Variants in MTIF2 observed in about 807,000 individuals in gnomAD.
MTIF2 encodes the protein translation initiation factor IF-2, mitochondrial.
A neutral mutation model predicts 83.5 loss-of-function variants in MTIF2; 71 were observed. That is an observed-to-expected ratio of 0.85 (90% CI 0.70 to 1.04). The LOEUF is 1.04. MTIF2 is among the 50% of genes least tolerant of loss of function. MTIF2 has a pLI of 0.00. For synonymous variants in MTIF2, 319 were observed against 287.1 expected, an observed-to-expected ratio of 1.11 and a Z score of -1.12; for missense variants, 957 against 846.5, an observed-to-expected ratio of 1.13 and a Z score of -1.62.
chr2:55,251,152 C>A (rs550621483), intron 8 of MTIF2, among the ~76,000 whole-genome samples: 76 of 149,328 alleles, frequency 5.1e-4, no homozygotes, highest in African/African-American at 1.8e-3. Flanking sequence ...AAAGTACATT[C>A]TATGTTGATG....
At chr2:55,256,531 C>T (rs1187565046) in intron 5 of MTIF2, among the ~76,000 whole-genome samples, 2 of 151,744 alleles carry the variant, frequency 1.3e-5, no homozygotes, top group Admixed American at 6.6e-5. Context: ...TATGGTGAAA[C>T]CCTGTCTCTA....
chr2:55,261,172 T>C (rs1207445431), intron 5 of MTIF2, among the ~76,000 whole-genome samples: 1 of 152,028 alleles, frequency 6.6e-6, no homozygotes, highest in Non-Finnish European at 1.5e-5. Context: ...GTATTTTTAG[T>C]AGAGATGGGG....
chr2:55,255,063 T>G (rs1399831718), intron 5 of MTIF2, among the ~76,000 whole-genome samples: 1 of 152,068 alleles, frequency 6.6e-6, no homozygotes, highest in East Asian at 1.9e-4. Context: ...TATTTATGTA[T>G]TCTAAGCCAT....
chr2:55,247,550 T>C (rs1676790820), intron 9 of MTIF2, among the ~76,000 whole-genome samples: 1 of 151,752 alleles, frequency 6.6e-6, no homozygotes, highest in African/African-American at 2.4e-5. Flanking sequence ...AGACTTCATT[T>C]CAAAAAACAA....
In MTIF2 at chr2:55,243,399, A is replaced by T; in HGVS notation, c.1564+17T>A. On this transcript the variant is annotated intron_variant, in intron 12 of 15. Coordinates refer to ENST00000263629, the MANE Select transcript of MTIF2 (RefSeq NM_002453.3). Reference sequence around the variant, plus strand: ...ATTCAAAGAATGAACTGTAATGTAAAATCTTTAAAAAGATACCTTTAATAA... The same window carrying T: ...ATTCAAAGAATGAACTGTAATGTAATATCTTTAAAAAGATACCTTTAATAA... 1 of 1,577,732 alleles carries T rather than the reference A, an allele frequency of 6.3e-7. No homozygotes were observed. The highest frequency in any genetic ancestry group is 8.6e-7 in the Non-Finnish European group (1 of 1,157,236).
chr2:55,237,788 T>A (rs1296879951), intron 14 of MTIF2, among the ~76,000 whole-genome samples: 1 of 151,230 alleles, frequency 6.6e-6, no homozygotes, highest in African/African-American at 2.4e-5. Flanking sequence ...GTAGCTGGGA[T>A]TACAGGCGCC....
chr2:55,256,075 A>G (rs993913010), intron 5 of MTIF2, among the ~76,000 whole-genome samples: 1 of 151,946 alleles, frequency 6.6e-6, no homozygotes, highest in Non-Finnish European at 1.5e-5. Flanking sequence ...GGGTTTCACC[A>G]TGTTGGCTAG....
At chr2:55,237,541 G>T (rs111866525) in intron 14 of MTIF2, 113 bp from the exon 15 acceptor site, 1 of 999,172 alleles carries the variant, frequency 1.0e-6, no homozygotes, top group Non-Finnish European at 1.3e-6. Context: ...CCAAATTCAT[G>T]CCTAGAAAAA....
At chr2:55,262,190 A>C (rs1250732418) in intron 5 of MTIF2, 126 bp downstream of exon 5, 1 of 701,706 alleles carries the variant, frequency 1.4e-6, no homozygotes, top group East Asian at 2.7e-5. Flanking sequence ...GAATATTACA[A>C]TGACTTAATA....
In MTIF2 at chr2:55,269,183, C is replaced by G. The variant is rs1181688582; in HGVS notation, c.-251G>C. On this transcript the variant is annotated 5_prime_UTR_variant, in exon 1 of 16. Transcript: ENST00000263629. ...TTAACTCCTACCTACAGCCCCGGGC[C>G]CCTGGATTCTGAGCACGGGCGGAGA... 4 of 152,320 alleles carry G rather than the reference C, an allele frequency of 2.6e-5. No homozygotes were observed. The East Asian group carries it at 7.7e-4, about 29-fold the overall frequency. 9.4% of individuals were successfully genotyped at this position (152,320 alleles called of 1,614,324 possible). A position where few individuals can be genotyped will look rare whatever the true frequency, so the allele number is the denominator to read the frequency against.
intron 6 of MTIF2, 21 bp downstream of exon 6, chr2:55,254,633 G>A (rs753317118): frequency 3.8e-6 from 6 of 1,569,678 alleles, no homozygotes; most frequent in Non-Finnish European, 5.2e-6. Flanking sequence ...AACCCTGCCA[G>A]TATATACAGT....
intron 13 of MTIF2, among the ~76,000 whole-genome samples, chr2:55,242,377 GGTGTTCGACTTTATTTAACAGTCATGA>G (rs1166373820): frequency 6.6e-6 from 1 of 152,102 alleles, no homozygotes; most frequent in African/African-American, 2.4e-5. Context: ...TGCTTTACTA[GGTGTTCGACTTTATTTAACAGTCATGA>G]GTCCCCCTTT....
chr2:55,253,327 T>A (rs551620690), intron 7 of MTIF2, among the ~76,000 whole-genome samples: 1 of 152,226 alleles, frequency 6.6e-6, no homozygotes, highest in South Asian at 2.1e-4. Flanking sequence ...TAAACATAAT[T>A]AATAAAAAAA....
intron 4 of MTIF2, 114 bp from the exon 5 acceptor site, chr2:55,262,541 C>CTTTTTTTTTTTTTTTTTTTTTTTTCT (rs66500251): frequency 3.9e-6 from 1 of 256,280 alleles, no homozygotes; most frequent in Non-Finnish European, 6.8e-6. Flanking sequence ...CTTTTTTTTT[C>CTTTTTTTTTTTTTTTTTTTTTTTTCT]TTTTTTTTTT....
chr2:55,241,124 A>C (rs1273330963), intron 13 of MTIF2, among the ~76,000 whole-genome samples: 2 of 152,134 alleles, frequency 1.3e-5, no homozygotes, highest in Non-Finnish European at 2.9e-5. Flanking sequence ...AATGAATGAA[A>C]AAAATTAACC....
intron 13 of MTIF2, among the ~76,000 whole-genome samples, chr2:55,240,443 G>A (rs757599452): frequency 6.6e-6 from 1 of 152,018 alleles, no homozygotes; most frequent in Non-Finnish European, 1.5e-5. Flanking sequence ...AGCCGGGCGT[G>A]GTGGTGGCAC....
At chr2:55,249,575 C>G in intron 8 of MTIF2, 41 bp from the exon 9 acceptor site, 1 of 1,603,092 alleles carries the variant, frequency 6.2e-7, no homozygotes, top group Non-Finnish European at 8.5e-7. Context: ...ATGATGACAC[C>G]TTCAATTCCA....
At chr2:55,246,203 T>A in intron 10 of MTIF2, 134 bp downstream of exon 10, 1 of 1,104,784 alleles carries the variant, frequency 9.1e-7, no homozygotes, top group Non-Finnish European at 1.3e-6. Flanking sequence ...AATAAAATAC[T>A]TTTTAAAACA....
chr2:55,244,103 T>C lies in MTIF2; in HGVS notation c.1237A>G (p.Ser413Gly). The change falls in exon 11 of 16, where the codon AGC becomes GGC. Residue 413 changes from serine (S) to glycine (G), a missense_variant. Transcript: ENST00000263629. ...CAGCCTGTAATTCCCACTGGCATGC[T>C]GGGATAGGCCTCATCAATTGTTTTT... ...NGKTIDEAYP[S>G]MPVGITGWRD... is the part of the protein sequence containing the mutation. 1.9e-6 allele frequency: 3 copies of C among 1,614,190 alleles called. No individual in the cohort carries two copies. Among genetic ancestry groups the C allele is most frequent in the South Asian group, 1.1e-5 (1 of 91,090 alleles).
Sources: gnomAD v4.1 joint callset for allele counts (sites outside exome capture counted in the v4.1 genomes callset) on GRCh38, gnomAD v4.1.1 for gene constraint, MANE v1.5 for transcripts, NCBI Gene and HGNC (gene_info 2026-07-23, HGNC 2026-07-21) for gene names.